The following YIF1B variants were observed in gnomAD, a reference collection of about 807,000 sequenced individuals.
The protein encoded by YIF1B is protein YIF1B.
A neutral mutation model predicts 34.6 loss-of-function variants in YIF1B; 24 were observed. The observed-to-expected ratio is 0.69, with a 90% confidence interval of 0.50 to 0.98. The LOEUF (loss-of-function observed/expected upper bound fraction) is 0.98, where lower values mean the gene tolerates loss of function less well. YIF1B is among the 50% of genes least tolerant of loss of function. YIF1B has a pLI of 0.00. For missense variants in YIF1B, 368 were observed against 429.4 expected, an observed-to-expected ratio of 0.86 and a Z score of 1.26; for synonymous variants, 186 against 184.8, an observed-to-expected ratio of 1.01 and a Z score of -0.05.
chr19:38,304,871 C>G lies in YIF1B; in HGVS notation c.*481G>C. 1.2e-6 allele frequency: 2 copies of G among 1,613,662 alleles called. No homozygotes were observed. Among genetic ancestry groups the G allele is most frequent in the Non-Finnish European group, 8.5e-7 (1 of 1,179,974 alleles). Reference sequence around the variant, plus strand: ...CCCACGCTGCTGGCTCCAAGCAGCACGAGAGCATCCCGGGCAAGGCCAAGA... The same window carrying G: ...CCCACGCTGCTGGCTCCAAGCAGCAGGAGAGCATCCCGGGCAAGGCCAAGA... On this transcript the variant is annotated 3_prime_UTR_variant, in exon 8 of 8. Transcript: ENST00000339413.
At position 38,304,524 on chromosome 19, in the gene YIF1B, G is replaced by T; in HGVS notation, c.*828C>A. 6.4e-7 allele frequency: 1 copy of T among 1,568,462 alleles called. No individual in the cohort carries two copies. Among genetic ancestry groups the T allele is most frequent in the South Asian group, 1.2e-5 (1 of 86,676 alleles). ...CCTCATCACCGGCTGCGGAGGGGCG[G>T]GAAGGCTGGGGTTGCCCCTGACCCC... On this transcript the variant is annotated 3_prime_UTR_variant, in exon 8 of 8. Coordinates refer to ENST00000339413, the MANE Select transcript of YIF1B (RefSeq NM_001039672.3).
chr19:38,305,258 G>T lies in YIF1B; in HGVS notation c.*94C>A. 1 of 1,509,308 alleles carries T rather than the reference G, an allele frequency of 6.6e-7. No individual in the cohort carries two copies. The highest frequency in any genetic ancestry group is 1.3e-5 in the South Asian group (1 of 78,324). 93.5% of individuals were successfully genotyped at this position (1,509,308 alleles called of 1,614,324 possible). ...TGGAGGCGGTGCCTGTGGCCAGACA[G>T]GGTGGACCTTGGGGCCTGCAGGCAG... On this transcript the variant is annotated 3_prime_UTR_variant, in exon 8 of 8. Transcript: ENST00000339413.
intron 1 of YIF1B, chr19:38,309,970 A>C: frequency 2.2e-6 from 1 of 454,658 alleles, no homozygotes; most frequent in South Asian, 3.3e-5. Context: ...CCATCCATCC[A>C]TCCATTCATC....
intron 7 of YIF1B, chr19:38,306,946 G>A: frequency 2.1e-6 from 1 of 471,180 alleles, no homozygotes; most frequent in Non-Finnish European, 4.4e-6. Flanking sequence ...CTCCCAAAGT[G>A]CTGGGATTAC....
chr19:38,314,383 T>C (rs1969454159), intron 1 of YIF1B, among the ~76,000 whole-genome samples: 1 of 151,866 alleles, frequency 6.6e-6, no homozygotes, highest in Non-Finnish European at 1.5e-5. Context: ...TTAGTAGAGA[T>C]GGGGTCTCAC....
intron 7 of YIF1B, 29 bp from the exon 8 acceptor site, chr19:38,305,536 G>A: frequency 1.3e-6 from 2 of 1,585,504 alleles, no homozygotes; most frequent in African/African-American, 1.3e-5. Flanking sequence ...GAGGAACCAA[G>A]GGATTTACCC....
chr19:38,315,927 C>T lies in YIF1B; in HGVS notation c.-10G>A. 1 of 1,450,746 alleles carries T rather than the reference C, an allele frequency of 6.9e-7. No homozygotes were observed. Among genetic ancestry groups the T allele is most frequent in the Non-Finnish European group, 9.0e-7 (1 of 1,109,972 alleles). 89.9% of individuals were successfully genotyped at this position (1,450,746 alleles called of 1,614,324 possible). ...AGCCTGCCGGGTGCATCCTTCGCCGCCGCCACCTAAGCCGCGGTTCGGAGC... is the reference window on the plus strand; with the variant it reads ...AGCCTGCCGGGTGCATCCTTCGCCGTCGCCACCTAAGCCGCGGTTCGGAGC... On this transcript the variant is annotated 5_prime_UTR_variant, in exon 1 of 8. Coordinates refer to ENST00000339413, the MANE Select transcript of YIF1B (RefSeq NM_001039672.3).
Position 38,305,278 on chromosome 19 carries a change from A to C in YIF1B, c.*74T>G. The C allele has an allele frequency of 4.5e-6, 7 of 1,543,608 alleles. No homozygotes were observed. The highest frequency in any genetic ancestry group is 6.1e-6 in the Non-Finnish European group (7 of 1,143,818). ...AGACAGGGTGGACCTTGGGGCCTGC[A>C]GGCAGGAGATGAGTTCGGCGGCCAC... On this transcript the variant is annotated 3_prime_UTR_variant, in exon 8 of 8. Coordinates refer to ENST00000339413, the MANE Select transcript of YIF1B (RefSeq NM_001039672.3).
In YIF1B at chr19:38,308,727, C is replaced by T. The variant is rs1205912599; in HGVS notation, c.539+65G>A. On this transcript the variant is annotated intron_variant, in intron 5 of 7. Coordinates refer to ENST00000339413, the MANE Select transcript of YIF1B (RefSeq NM_001039672.3). ...GGGAACTGAGACCTTGGAACTGAGA[C>T]CTTCCTGACCAACCATGGGCCTCCC... The T allele has an allele frequency of 8.1e-6, 13 of 1,603,482 alleles. No individual in the cohort carries two copies. The Admixed American group carries it at 2.2e-4, about 27-fold the overall frequency.
intron 1 of YIF1B, among the ~76,000 whole-genome samples, chr19:38,315,042 T>A (rs543191971): frequency 6.6e-6 from 1 of 151,958 alleles, no homozygotes; most frequent in African/African-American, 2.4e-5. Flanking sequence ...GCGGATCACC[T>A]GAGGTCGGGA....
intron 1 of YIF1B, among the ~76,000 whole-genome samples, chr19:38,312,369 C>G (rs933891615): frequency 6.6e-6 from 1 of 151,880 alleles, no homozygotes; most frequent in Non-Finnish European, 1.5e-5. Context: ...GTGCCAAGAT[C>G]ATGCCACTGC....
chr19:38,304,189 G>A lies in YIF1B; in HGVS notation c.*1163C>T. The A allele has an allele frequency of 6.3e-7, 1 of 1,582,934 alleles. No homozygotes were observed. The highest frequency in any genetic ancestry group is 1.3e-5 in the African/African-American group (1 of 74,462). ...ATTCCTCCAACGGGCAGGTCTCAGC[G>A]CTCCTCCCCCTGCTCCGCTCCTCTG... is the stretch of plus-strand genomic sequence containing the variant. On this transcript the variant is annotated 3_prime_UTR_variant, in exon 8 of 8. Transcript: ENST00000339413.
intron 1 of YIF1B, among the ~76,000 whole-genome samples, chr19:38,312,313 A>G (rs1969357403): frequency 6.6e-6 from 1 of 150,832 alleles, no homozygotes; most frequent in Non-Finnish European, 1.5e-5. Context: ...GCTATTCAAG[A>G]GGCTGAGGTG....
At chr19:38,311,670 C>G (rs941559629) in intron 1 of YIF1B, among the ~76,000 whole-genome samples, 14 of 152,244 alleles carry the variant, frequency 9.2e-5, no homozygotes, top group African/African-American at 2.9e-4. Flanking sequence ...GGGAGAGAGG[C>G]TGCTGGGGTG....
At chr19:38,307,062 C>T in intron 7 of YIF1B, 1 of 493,570 alleles carries the variant, frequency 2.0e-6, no homozygotes, top group Non-Finnish European at 4.1e-6. Flanking sequence ...CTGCAGACCC[C>T]AGTGCTCTTC....
chr19:38,313,996 C>T (rs984907682), intron 1 of YIF1B, among the ~76,000 whole-genome samples: 1 of 152,140 alleles, frequency 6.6e-6, no homozygotes, highest in African/African-American at 2.4e-5. Flanking sequence ...GTTTACTTGG[C>T]ACAGGCCTCC....
rs779932620 is a variant in YIF1B, at chr19:38,303,922, G to A, written c.*1430C>T. 1.3e-5 allele frequency among the ~76,000 whole-genome samples: 2 copies of A among 152,234 alleles called. No homozygotes were observed. The highest frequency in any genetic ancestry group is 2.9e-5 in the Non-Finnish European group (2 of 68,038). ...GGAGGAAGCTGTATTGTCGCGGTAC[G>A]CAGGAAGGCAGGGGCAGCACCTCCC... On this transcript the variant is annotated 3_prime_UTR_variant, in exon 8 of 8. Transcript: ENST00000339413.
At chr19:38,319,127 CT>C (rs200642149), upstream of YIF1B, among the ~76,000 whole-genome samples, 1 of 151,632 alleles carries the variant, frequency 6.6e-6, no homozygotes, top group African/African-American at 2.4e-5. Context: ...TGTCTTTTTT[CT>C]TTTTTTTAGA....
intron 5 of YIF1B, 49 bp downstream of exon 5, chr19:38,308,743 T>C (rs1410829765): frequency 3.1e-6 from 5 of 1,611,410 alleles, no homozygotes; most frequent in Admixed American, 1.7e-5. Flanking sequence ...TGACCAACCA[T>C]GGGCCTCCCA....
Sources: allele counts gnomAD v4.1 joint callset (sites outside exome capture counted in the v4.1 genomes callset), GRCh38; gene constraint gnomAD v4.1.1; transcripts MANE v1.5; gene names NCBI Gene and HGNC (gene_info 2026-07-23, HGNC 2026-07-21).